The following SNX24 variants were observed in gnomAD, a reference collection of about 807,000 sequenced individuals.
SNX24 encodes sorting nexin 24, also known as sorting nexin-24.
Under a neutral mutation model 28.7 loss-of-function variants are expected in SNX24, and 22 were observed. The ratio of observed to expected loss-of-function variants is 0.77; its 90% confidence interval spans 0.55 to 1.10. The LOEUF (loss-of-function observed/expected upper bound fraction) is 1.10. Ranked by LOEUF, SNX24 falls within the 50% of genes least tolerant of loss-of-function variation. The probability of loss-of-function intolerance (pLI) is 0.00; values close to 1 mark genes in which losing one functional copy is unlikely to be tolerated. For missense variants in SNX24, 221 were observed against 201.1 expected (o/e 1.10, Z -0.60); for synonymous variants, 69 against 71.5 (o/e 0.96, Z 0.18).
At chr5:122,913,082 G>C (rs186917159) in intron 1 of SNX24, among the ~76,000 whole-genome samples, 1 of 152,176 alleles carries the variant, frequency 6.6e-6, no homozygotes, top group Non-Finnish European at 1.5e-5. Context: ...TCTTAGTACA[G>C]AACAAAATGA....
chr5:122,929,010 C>G (rs1758833212), intron 1 of SNX24, among the ~76,000 whole-genome samples: 1 of 151,936 alleles, frequency 6.6e-6, no homozygotes, highest in Non-Finnish European at 1.5e-5. Context: ...TTGTCCCACC[C>G]TCCACCCTCA....
chr5:122,877,291 T>G (rs924491647), intron 1 of SNX24, among the ~76,000 whole-genome samples: 3 of 152,098 alleles, frequency 2.0e-5, no homozygotes, highest in Non-Finnish European at 1.5e-5. Flanking sequence ...ACTCAATAAC[T>G]GTGTGAAGAA....
intron 3 of SNX24, among the ~76,000 whole-genome samples, chr5:122,976,337 G>T (rs146770936): frequency 3.2e-3 from 474 of 146,870 alleles, no homozygotes; most frequent in Non-Finnish European, 5.3e-3. Flanking sequence ...ATCTTTTTAT[G>T]ATTGGAGTTG....
intron 1 of SNX24, among the ~76,000 whole-genome samples, chr5:122,911,487 G>A (rs1267046741): frequency 4.6e-5 from 7 of 151,200 alleles, no homozygotes; most frequent in Non-Finnish European, 7.4e-5. Context: ...GATCCCATTT[G>A]TCAATTTTGG....
chr5:122,923,521 A>G (rs1758537638), intron 1 of SNX24, among the ~76,000 whole-genome samples: 1 of 152,186 alleles, frequency 6.6e-6, no homozygotes, highest in African/African-American at 2.4e-5. Context: ...TTAAACAGGA[A>G]CAAGGCCTTT....
At chr5:122,997,560 C>T (rs111972500) in intron 3 of SNX24, among the ~76,000 whole-genome samples, 6 of 152,214 alleles carry the variant, frequency 3.9e-5, no homozygotes, top group Admixed American at 1.3e-4. Context: ...CATTGTAAGC[C>T]GATCTGTCAA....
intron 3 of SNX24, among the ~76,000 whole-genome samples, chr5:122,986,434 T>C (rs1479589232): frequency 6.6e-6 from 1 of 152,070 alleles, no homozygotes; most frequent in East Asian, 1.9e-4. Flanking sequence ...AGGAAGAGGC[T>C]ACAAAGGAGA....
intron 1 of SNX24, among the ~76,000 whole-genome samples, chr5:122,902,692 G>T (rs30032): frequency 0.78 from 118,356 of 152,034 alleles, 47,115 homozygotes; most frequent in East Asian, 0.99. Context: ...ACATTCAGGT[G>T]TGTCTGCTAT....
At chr5:123,006,514 C>T (rs1311985915) in intron 6 of SNX24, among the ~76,000 whole-genome samples, 3 of 152,238 alleles carry the variant, frequency 2.0e-5, no homozygotes, top group Non-Finnish European at 4.4e-5. Flanking sequence ...AGTCCATTCT[C>T]CAGCTGGCAG....
chr5:122,987,130 G>A (rs1243133529), intron 3 of SNX24, among the ~76,000 whole-genome samples: 1 of 152,124 alleles, frequency 6.6e-6, no homozygotes, highest in African/African-American at 2.4e-5. Flanking sequence ...ATTCTCTGAA[G>A]TGTGAAGCGT....
chr5:122,920,231 A>T (rs1758374568), intron 1 of SNX24, among the ~76,000 whole-genome samples: 1 of 152,204 alleles, frequency 6.6e-6, no homozygotes, highest in Non-Finnish European at 1.5e-5. Context: ...GTCTGGCCAG[A>T]TTAACTTGGA....
At chr5:122,857,852 G>A (rs771307384) in intron 1 of SNX24, among the ~76,000 whole-genome samples, 2 of 151,892 alleles carry the variant, frequency 1.3e-5, no homozygotes, top group Non-Finnish European at 2.9e-5. Context: ...GCATAATCTC[G>A]GCTCACTGCA....
intron 1 of SNX24, among the ~76,000 whole-genome samples, chr5:122,864,164 C>T (rs1387138255): frequency 2.1e-5 from 1 of 47,530 alleles, no homozygotes; most frequent in Non-Finnish European, 3.1e-5. Context: ...AGTTAGGAAG[C>T]TCAGGAAGCT....
chr5:122,967,409 G>C (rs924059357), intron 3 of SNX24, among the ~76,000 whole-genome samples: 3 of 152,136 alleles, frequency 2.0e-5, no homozygotes, highest in African/African-American at 7.2e-5. Context: ...TCAGACCCTG[G>C]TGTTCAAGGG....
intron 3 of SNX24, among the ~76,000 whole-genome samples, chr5:122,989,902 T>G (rs1309869512): frequency 6.6e-6 from 1 of 152,220 alleles, no homozygotes; most frequent in Non-Finnish European, 1.5e-5. Context: ...GGACCCCCTG[T>G]GTAGTCCTTA....
At chr5:122,871,948 T>C (rs1756002077) in intron 1 of SNX24, among the ~76,000 whole-genome samples, 1 of 151,882 alleles carries the variant, frequency 6.6e-6, no homozygotes, top group Non-Finnish European at 1.5e-5. Context: ...TTAAAATAAT[T>C]ATTCCCTTTT....
chr5:122,944,666 C>T (rs537620731), intron 2 of SNX24, among the ~76,000 whole-genome samples: 4 of 152,244 alleles, frequency 2.6e-5, no homozygotes, highest in South Asian at 2.1e-4. Context: ...ATTCTCAGTG[C>T]GAGACTTCTA....
intron 1 of SNX24, among the ~76,000 whole-genome samples, chr5:122,863,003 A>AT (rs1466629034): frequency 6.6e-6 from 1 of 152,202 alleles, no homozygotes; most frequent in African/African-American, 2.4e-5. Context: ...TTATCTACCT[A>AT]TTAAGTGGCA....
intron 1 of SNX24, among the ~76,000 whole-genome samples, chr5:122,880,476 A>T (rs1756428934): frequency 6.6e-6 from 1 of 152,212 alleles, no homozygotes; most frequent in African/African-American, 2.4e-5. Flanking sequence ...CAATAACCAG[A>T]TAGCTGGATC....
Sources: gnomAD v4.1 joint callset for allele counts (sites outside exome capture counted in the v4.1 genomes callset) on GRCh38, gnomAD v4.1.1 for gene constraint, MANE v1.5 for transcripts, NCBI Gene and HGNC (gene_info 2026-07-23, HGNC 2026-07-21) for gene names.